BBS4: variants seen among roughly 807,000 people sequenced by gnomAD.
BBS4 encodes the protein Bardet-Biedl syndrome 4, also known as BBSome complex member BBS4.
In BBS4, 58 loss-of-function variants were observed where a neutral mutation model predicts 71.4. That is an observed-to-expected ratio of 0.81 (90% CI 0.66 to 1.01). The LOEUF (loss-of-function observed/expected upper bound fraction) is 1.01, where lower values mean the gene tolerates loss of function less well. BBS4 is among the 50% of genes least tolerant of loss of function. The probability of loss-of-function intolerance (pLI) is 0.00; values close to 1 mark genes in which losing one functional copy is unlikely to be tolerated. For missense variants in BBS4, 660 were observed against 607.9 expected, an observed-to-expected ratio of 1.09 and a Z score of -0.90; for synonymous variants, 228 against 216.8, an observed-to-expected ratio of 1.05 and a Z score of -0.46.
At chr15:72,721,354 A>G (rs1408371179) in intron 6 of BBS4, among the ~76,000 whole-genome samples, 1 of 152,232 alleles carries the variant, frequency 6.6e-6, no homozygotes, top group South Asian at 2.1e-4. Flanking sequence ...ATTTGCTTAC[A>G]AAAGTTGTGG....
chr15:72,712,832 T>C (rs1289400188), intron 4 of BBS4, among the ~76,000 whole-genome samples: 1 of 152,226 alleles, frequency 6.6e-6, no homozygotes, highest in African/African-American at 2.4e-5. Context: ...TAGCCTACAC[T>C]AAATTTATTT....
intron 2 of BBS4, among the ~76,000 whole-genome samples, chr15:72,708,885 C>G (rs1300292778): frequency 6.6e-6 from 1 of 152,152 alleles, no homozygotes; most frequent in African/African-American, 2.4e-5. Flanking sequence ...AATTTGAGGT[C>G]AGATCAGTTT....
intron 1 of BBS4, chr15:72,686,642 G>A: frequency 2.7e-6 from 3 of 1,104,958 alleles, no homozygotes; most frequent in African/African-American, 1.6e-5. Flanking sequence ...AGCTTGCAGC[G>A]TCACTGCCTT....
intron 1 of BBS4, among the ~76,000 whole-genome samples, chr15:72,691,529 ATTAG>A (rs956183250): frequency 3.3e-5 from 5 of 152,138 alleles, no homozygotes; most frequent in African/African-American, 7.2e-5. Context: ...TCCTTAATAT[ATTAG>A]TTTTTAAAAT....
chr15:72,720,933 G>T (rs2065561864), intron 6 of BBS4, among the ~76,000 whole-genome samples: 1 of 152,196 alleles, frequency 6.6e-6, no homozygotes, highest in South Asian at 2.1e-4. Flanking sequence ...CTATGTCAAA[G>T]ATTTTAAAAG....
chr15:72,687,124 C>CTTTTTTT lies in BBS4; in HGVS notation c.24+877_24+883dup, dbSNP rs1458417621. On this transcript the variant is annotated intron_variant, in intron 1 of 15. Transcript: ENST00000268057. ...AATTAGAAAACTCTGAAGACAGAAA[C>CTTTTTTT]TTTTTTTTTTGAGACGGAGTGTCGC... Among the ~76,000 whole-genome samples, 26 of 76,210 alleles carry CTTTTTTT rather than the reference C, an allele frequency of 3.4e-4. 4 individuals are homozygous for CTTTTTTT. Among genetic ancestry groups the CTTTTTTT allele is most frequent in the African/African-American group, 8.3e-4 (17 of 20,524 alleles). The allele number at this position is 76,210 out of a possible 152,430, so 50.0% of individuals were successfully genotyped here. A position where few individuals can be genotyped will look rare whatever the true frequency, so the allele number is the denominator to read the frequency against.
chr15:72,718,717 T>C (rs2151027292), intron 6 of BBS4, among the ~76,000 whole-genome samples: 1 of 152,282 alleles, frequency 6.6e-6, no homozygotes. Context: ...CAAGCACTGA[T>C]CTATGCCCTG....
In BBS4 at chr15:72,731,549, T is replaced by C; in HGVS notation, c.865-6T>C. On this transcript the variant is annotated splice_region_variant and splice_polypyrimidine_tract_variant and intron_variant, in intron 11 of 15. Coordinates refer to ENST00000268057, the MANE Select transcript of BBS4 (RefSeq NM_033028.5). ...CTTCTCATTGAGTGCCCCTTCTCTC[T>C]CATAGGCCATCAGCTGCCTGAAACG... 6.2e-7 allele frequency: 1 copy of C among 1,614,236 alleles called. No individual in the cohort carries two copies. Among genetic ancestry groups the C allele is most frequent in the Non-Finnish European group, 8.5e-7 (1 of 1,180,026 alleles).
At position 72,736,000 on chromosome 15, in the gene BBS4, T is replaced by A. The variant is rs1348908769; in HGVS notation, c.1248+34T>A. The A allele has an allele frequency of 1.9e-6, 3 of 1,613,114 alleles. No individual in the cohort carries two copies. In the Admixed American group the frequency reaches 5.0e-5, roughly 27 times the overall value. On this transcript the variant is annotated intron_variant, in intron 14 of 15. Transcript: ENST00000268057. Reference sequence around the variant, plus strand: ...TTTATTAGCTCCCAAGAGTCATAAGTAAGCTCTCAGGAGACTTTTAAAAAT... The same window carrying A: ...TTTATTAGCTCCCAAGAGTCATAAGAAAGCTCTCAGGAGACTTTTAAAAAT...
intron 8 of BBS4, 102 bp downstream of exon 8, chr15:72,724,757 T>A (rs1360127932): frequency 1.4e-6 from 2 of 1,459,790 alleles, no homozygotes; most frequent in Non-Finnish European, 1.9e-6. Context: ...ATTAATTACT[T>A]ACTGTATGAG....
chr15:72,717,565 C>T (rs369364679), intron 6 of BBS4, among the ~76,000 whole-genome samples: 7 of 152,066 alleles, frequency 4.6e-5, no homozygotes, highest in East Asian at 1.9e-4. Flanking sequence ...ACTGGGAAAG[C>T]ACAACTTTCC....
At position 72,688,240 on chromosome 15, in the gene BBS4, A is replaced by T. The variant is rs2064910387; in HGVS notation, c.24+1989A>T. ...CATTTGAATGTCTAATACTGTTTTA[A>T]AGAGAATAGCTTTTGTTTCGATATG... On this transcript the variant is annotated intron_variant, in intron 1 of 15. Transcript: ENST00000268057. 2.0e-5 allele frequency among the ~76,000 whole-genome samples: 3 copies of T among 151,760 alleles called. No homozygotes were observed. In the South Asian group the frequency reaches 6.2e-4, roughly 32 times the overall value.
At chr15:72,689,593 C>T (rs2064943906) in intron 1 of BBS4, among the ~76,000 whole-genome samples, 1 of 151,930 alleles carries the variant, frequency 6.6e-6, no homozygotes, top group Non-Finnish European at 1.5e-5. Context: ...ATTAGCCAGA[C>T]GTGGTGGCAC....
At chr15:72,715,782 A>AGG (rs996108857) in intron 5 of BBS4, among the ~76,000 whole-genome samples, 16 of 151,970 alleles carry the variant, frequency 1.1e-4, no homozygotes, top group Non-Finnish European at 2.1e-4. Flanking sequence ...AAGGACAGAG[A>AGG]GTTCCTGACT....
At chr15:72,732,014 T>C (rs1040292520) in intron 12 of BBS4, among the ~76,000 whole-genome samples, 1 of 152,190 alleles carries the variant, frequency 6.6e-6, no homozygotes, top group Non-Finnish European at 1.5e-5. Context: ...CATTTATGTA[T>C]ATATTGAGTC....
chr15:72,690,090 G>A (rs1342810719), intron 1 of BBS4, among the ~76,000 whole-genome samples: 4 of 152,086 alleles, frequency 2.6e-5, no homozygotes, highest in African/African-American at 7.2e-5. Flanking sequence ...GATTACAGGC[G>A]AGCCACTGTA....
At position 72,729,670 on chromosome 15, in the gene BBS4, C is replaced by G. The variant is rs569388336; in HGVS notation, c.697C>G (p.Pro233Ala). ...TCTTGGCAATGCACTGACTTATGACCCTACCAACTACAAGGTATTACAGGC... is the reference window on the plus strand; with the variant it reads ...TCTTGGCAATGCACTGACTTATGACGCTACCAACTACAAGGTATTACAGGC... ...EHLGNALTYD[P>A]TNYKAILAAG... The change falls in exon 10 of 16, where the codon CCT (proline) becomes GCT (alanine). Residue 233 changes from proline (P) to alanine (A), a missense_variant. Transcript: ENST00000268057. 20 of 1,613,892 alleles carry G rather than the reference C, an allele frequency of 1.2e-5. No individual in the cohort carries two copies. Among genetic ancestry groups the G allele is most frequent in the Middle Eastern group, 3.3e-4 (2 of 6,084 alleles).
chr15:72,712,393 T>C, intron 4 of BBS4, 86 bp downstream of exon 4: 1 of 1,293,560 alleles, frequency 7.7e-7, no homozygotes, highest in Non-Finnish European at 1.1e-6. Context: ...AAGAAACAAG[T>C]TCAAGTACAG....
intron 5 of BBS4, among the ~76,000 whole-genome samples, chr15:72,715,774 G>A (rs542533635): frequency 6.6e-6 from 1 of 152,208 alleles, no homozygotes; most frequent in South Asian, 2.1e-4. Context: ...TTTTTAGTAA[G>A]GACAGAGAGT....
Sources: allele counts gnomAD v4.1 joint callset (sites outside exome capture counted in the v4.1 genomes callset), GRCh38; gene constraint gnomAD v4.1.1; transcripts MANE v1.5; gene names NCBI Gene and HGNC (gene_info 2026-07-23, HGNC 2026-07-21).